COBLL1: variants seen among roughly 807,000 people sequenced by gnomAD.
The protein encoded by COBLL1 is cordon-bleu WH2 repeat protein like 1.
In COBLL1, 50 loss-of-function variants were observed where a neutral mutation model predicts 94.8. The observed-to-expected ratio is 0.53, with a 90% CI of 0.42 to 0.67. COBLL1 has a LOEUF of 0.67. COBLL1 is among the 30% of genes least tolerant of loss of function. The pLI, the probability that COBLL1 is intolerant of heterozygous loss-of-function variation, is 0.00. For missense variants in COBLL1, 1,362 were observed against 1,348.7 expected, an observed-to-expected ratio of 1.01 and a Z score of -0.15; for synonymous variants, 448 against 473.8, an observed-to-expected ratio of 0.95 and a Z score of 0.71.
chr2:164,699,581 A>ACACAC, intron 10 of COBLL1, 82 bp from the exon 11 acceptor site: 1 of 732,324 alleles, frequency 1.4e-6, no homozygotes, highest in Non-Finnish European at 2.4e-6. Flanking sequence ...ACACACACAC[A>ACACAC]ATGAGAAACA....
intron 13 of COBLL1, chr2:164,687,441 GC>G: frequency 8.1e-7 from 1 of 1,235,078 alleles, no homozygotes; most frequent in Non-Finnish European, 1.2e-6. Context: ...TCGTCTGGCA[GC>G]CAGAGAACTT....
rs564522025 is a variant in COBLL1 at position 164,793,414 on chromosome 2, A to G, written c.41+47742T>C. ...CTGAACCTTTTACACAAATCTCATA[A>G]ATTTAATTCTTTAACAAAACTTCAT... On this transcript the variant is annotated intron_variant, in intron 2 of 13. Coordinates refer to ENST00000652658, the MANE Select transcript of COBLL1 (RefSeq NM_001365672.2). Among the ~76,000 whole-genome samples, 7 of 152,230 alleles carry G rather than the reference A, an allele frequency of 4.6e-5. No individual in the cohort carries two copies. In the South Asian group the frequency reaches 1.5e-3, roughly 32 times the overall value.
intron 3 of COBLL1, 86 bp from the exon 4 acceptor site, chr2:164,730,201 A>G: frequency 8.3e-7 from 1 of 1,203,406 alleles, no homozygotes; most frequent in Admixed American, 2.0e-5. Flanking sequence ...CAAGTCTACA[A>G]GATAGTTTTT....
chr2:164,763,730 T>A (rs538894417), intron 2 of COBLL1, among the ~76,000 whole-genome samples: 52 of 152,254 alleles, frequency 3.4e-4, no homozygotes, highest in African/African-American at 1.2e-3. Context: ...TATACTATCT[T>A]TCGATAAAAA....
intron 2 of COBLL1, among the ~76,000 whole-genome samples, chr2:164,783,924 C>T (rs1459733907): frequency 6.6e-6 from 1 of 152,122 alleles, no homozygotes; most frequent in Non-Finnish European, 1.5e-5. Context: ...CATGATTATG[C>T]CATTGCACTC....
In COBLL1 at chr2:164,692,314, A is replaced by G; in HGVS notation, c.3207T>C (p.Ser1069=). The part of the protein sequence containing the change: ...DGPSFTVMRQ[S]SLTFQSSDPE... Reference sequence around the variant, plus strand: ...GGTCAGAGCTTTGGAATGTTAAAGAACTTTGTCTCATAACAGTGAATGATG... The same window carrying G: ...GGTCAGAGCTTTGGAATGTTAAAGAGCTTTGTCTCATAACAGTGAATGATG... The change falls in exon 13 of 14, where the codon AGT becomes AGC. Residue 1069 remains serine, a synonymous_variant. Transcript: ENST00000652658. 1 of 1,613,682 alleles carries G rather than the reference A, an allele frequency of 6.2e-7. No individual in the cohort carries two copies. Among genetic ancestry groups the G allele is most frequent in the Non-Finnish European group, 8.5e-7 (1 of 1,179,678 alleles).
Position 164,671,296 on chromosome 2 carries a change from CTTT to C in COBLL1, n.127-5398_127-5396del, listed in dbSNP as rs539820005. Among the ~76,000 whole-genome samples, 287 of 152,036 alleles carry C rather than the reference CTTT, an allele frequency of 1.9e-3. 1 individual carries two copies. The highest frequency in any genetic ancestry group is 3.0e-3 in the Non-Finnish European group (203 of 67,948). On this transcript the variant is annotated intron_variant and non_coding_transcript_variant, in intron 1 of 2. Coordinates refer to the COBLL1 transcript ENST00000495084. ...TACTTGCACACCAGTTCTACACTTC[CTTT>C]TTTGTTTTTTTGTCTTTTTTTAATG...
intron 2 of COBLL1, among the ~76,000 whole-genome samples, chr2:164,758,904 GA>G (rs977294841): frequency 1.3e-5 from 2 of 149,224 alleles, no homozygotes; most frequent in African/African-American, 4.9e-5. Context: ...AATAAATATA[GA>G]AAAAAAAGTT....
At chr2:164,839,687 G>A (rs183020786) in intron 2 of COBLL1, among the ~76,000 whole-genome samples, 225 of 152,166 alleles carry the variant, frequency 1.5e-3, no homozygotes, top group African/African-American at 5.3e-3. Context: ...TGCAATCCCT[G>A]AATACATTTC....
chr2:164,827,896 A>G (rs759891569), intron 2 of COBLL1, among the ~76,000 whole-genome samples: 21 of 152,194 alleles, frequency 1.4e-4, no homozygotes, highest in Non-Finnish European at 2.8e-4. Flanking sequence ...TAAAATGAAA[A>G]TGTTATTCAG....
intron 2 of COBLL1, among the ~76,000 whole-genome samples, chr2:164,754,263 C>T (rs2105595278): frequency 6.6e-6 from 1 of 152,226 alleles, no homozygotes; most frequent in South Asian, 2.1e-4. Flanking sequence ...CCATGGTGGG[C>T]CTTCTCTAAG....
intron 7 of COBLL1, among the ~76,000 whole-genome samples, chr2:164,705,924 C>T (rs1179854607): frequency 6.6e-6 from 1 of 152,162 alleles, no homozygotes; most frequent in Non-Finnish European, 1.5e-5. Context: ...ATCCCAGCTA[C>T]TCGGGAGGCT....
intron 2 of COBLL1, among the ~76,000 whole-genome samples, chr2:164,757,419 T>C (rs965056889): frequency 6.6e-6 from 1 of 152,230 alleles, no homozygotes; most frequent in Non-Finnish European, 1.5e-5. Context: ...TTTAAATCCC[T>C]GTTACATTTT....
intron 2 of COBLL1, chr2:164,837,436 A>G (rs1459381184): frequency 2.2e-6 from 1 of 464,270 alleles, no homozygotes; most frequent in East Asian, 7.0e-5. Context: ...ACTTTTGACT[A>G]TCGCTCTCTT....
chr2:164,702,813 A>G (rs551941622), intron 9 of COBLL1, among the ~76,000 whole-genome samples: 63 of 151,946 alleles, frequency 4.1e-4, no homozygotes, highest in African/African-American at 1.5e-3. Context: ...CCCAGCCTCA[A>G]TTGTGTTTTC....
intron 7 of COBLL1, among the ~76,000 whole-genome samples, chr2:164,714,281 A>G (rs1685054394): frequency 6.6e-6 from 1 of 151,804 alleles, no homozygotes; most frequent in Admixed American, 6.6e-5. Flanking sequence ...TAAAGTATAT[A>G]AACTAAGTCT....
At chr2:164,703,224 C>T (rs72876794) in intron 9 of COBLL1, 35,689 of 1,599,250 alleles carry the variant, frequency 0.022, 458 homozygotes, top group South Asian at 0.029. Flanking sequence ...AAGGTTTCTG[C>T]CAAAGAAGTA....
At chr2:164,699,335 A>G in intron 11 of COBLL1, 70 bp downstream of exon 11, 1 of 942,190 alleles carries the variant, frequency 1.1e-6, no homozygotes, top group Admixed American at 1.7e-5. Flanking sequence ...AATACATATA[A>G]AGTGTTAAGA....
intron 2 of COBLL1, among the ~76,000 whole-genome samples, chr2:164,840,343 T>C (rs1276623657): frequency 1.3e-5 from 2 of 152,134 alleles, no homozygotes; most frequent in African/African-American, 4.8e-5. Context: ...GAAACTCAAC[T>C]AGCATCCAGG....
Sources: gnomAD v4.1 joint callset for allele counts (sites outside exome capture counted in the v4.1 genomes callset) on GRCh38, gnomAD v4.1.1 for gene constraint, MANE v1.5 for transcripts, NCBI Gene and HGNC (gene_info 2026-07-23, HGNC 2026-07-21) for gene names.